CLVS1: variants seen among roughly 807,000 people sequenced by gnomAD.
The protein encoded by CLVS1 is clavesin-1.
Under a neutral mutation model 33.1 loss-of-function variants are expected in CLVS1, and 10 were observed. The observed-to-expected ratio is 0.30, with a 90% CI of 0.19 to 0.51. The LOEUF (loss-of-function observed/expected upper bound fraction) is 0.51. Among genes scored for constraint, CLVS1 ranks in the 20% least tolerant of loss-of-function variants. The pLI, the probability that CLVS1 is intolerant of heterozygous loss-of-function variation, is 0.97. For missense variants in CLVS1, 343 were observed against 433.4 expected (o/e 0.79, Z 1.85); for synonymous variants, 163 against 166.1 (o/e 0.98, Z 0.14).
intron 3 of CLVS1, among the ~76,000 whole-genome samples, chr8:61,386,319 G>A (rs547361769): frequency 7.5e-4 from 114 of 152,230 alleles, no homozygotes; most frequent in African/African-American, 2.6e-3. Context: ...GATAAACCCC[G>A]GACTTCATAA....
intron 2 of CLVS1, among the ~76,000 whole-genome samples, chr8:61,368,327 G>A (rs1813297376): frequency 6.6e-6 from 1 of 152,226 alleles, no homozygotes; most frequent in African/African-American, 2.4e-5. Context: ...TTGCACTCTA[G>A]TGTCTATATC....
At chr8:61,450,581 C>T (rs558406531) in intron 3 of CLVS1, among the ~76,000 whole-genome samples, 14 of 152,238 alleles carry the variant, frequency 9.2e-5, no homozygotes, top group East Asian at 3.9e-4. Flanking sequence ...GAATTGAAGA[C>T]GTGCAAGACG....
At chr8:61,294,660 G>A (rs1458392576) in intron 1 of CLVS1, among the ~76,000 whole-genome samples, 1 of 152,106 alleles carries the variant, frequency 6.6e-6, no homozygotes, top group Non-Finnish European at 1.5e-5. Flanking sequence ...AAAATGCTTT[G>A]AAATACTACG....
chr8:61,423,104 T>C (rs1815745097), intron 3 of CLVS1, among the ~76,000 whole-genome samples: 1 of 152,160 alleles, frequency 6.6e-6, no homozygotes, highest in Admixed American at 6.6e-5. Context: ...ATGAGCCCAA[T>C]GCACCTTGCA....
Position 61,166,035 on chromosome 8 carries a change from T to TTTTTTTG in CLVS1, c.-152+34181_-152+34182insGTTTTTT, listed in dbSNP as rs1806857566. Among the ~76,000 whole-genome samples, 6 of 102,082 alleles carry TTTTTTTG rather than the reference T, an allele frequency of 5.9e-5. 1 individual carries two copies. The highest frequency in any genetic ancestry group is 2.3e-4 in the Admixed American group (2 of 8,554). The allele number at this position is 102,082 out of a possible 152,430, so 67.0% of individuals were successfully genotyped here. Reference sequence around the variant, plus strand: ...TTTGTGGCTAAGCATCTAAGCGTTTTTTTTTTTTTTGCCTGCCTTTGGAAT... The same window carrying TTTTTTTG: ...TTTGTGGCTAAGCATCTAAGCGTTTTTTTTTTGTTTTTTTTTTGCCTGCCTTTGGAAT... On this transcript the variant is annotated intron_variant, in intron 2 of 2. Transcript: ENST00000522621.
chr8:61,262,866 G>A (rs1024741441), intron 2 of CLVS1, among the ~76,000 whole-genome samples: 10 of 152,152 alleles, frequency 6.6e-5, no homozygotes, highest in African/African-American at 1.4e-4. Context: ...AACAGCACTC[G>A]TTGCTCTAGG....
intron 2 of CLVS1, among the ~76,000 whole-genome samples, chr8:61,327,578 C>T (rs1484911565): frequency 6.6e-6 from 1 of 152,180 alleles, no homozygotes; most frequent in Non-Finnish European, 1.5e-5. Flanking sequence ...GTTCAAATTT[C>T]AACTATGACT....
intron 1 of CLVS1, among the ~76,000 whole-genome samples, chr8:61,100,755 C>T (rs547400135): frequency 6.6e-6 from 1 of 152,312 alleles, no homozygotes; most frequent in East Asian, 1.9e-4. Context: ...CCCTCTCCCA[C>T]AACCCTAGGG....
chr8:61,246,167 C>CTTTTTTTTTTTTTTTTTTTTTTTTTTTTT (rs1188366643), intron 2 of CLVS1, among the ~76,000 whole-genome samples: 1 of 82,210 alleles, frequency 1.2e-5, no homozygotes, highest in African/African-American at 4.6e-5. Context: ...TCCTTCCCAA[C>CTTTTTTTTTTTTTTTTTTTTTTTTTTTTT]TTTTTTTTTT....
At chr8:61,259,446 G>T (rs1214815629) in intron 2 of CLVS1, among the ~76,000 whole-genome samples, 1 of 152,188 alleles carries the variant, frequency 6.6e-6, no homozygotes, top group African/African-American at 2.4e-5. Context: ...TCCAGTCAAT[G>T]CTATTTAGGC....
intron 1 of CLVS1, among the ~76,000 whole-genome samples, chr8:61,076,904 T>G (rs1335654734): frequency 6.6e-6 from 1 of 152,212 alleles, no homozygotes; most frequent in East Asian, 1.9e-4. Flanking sequence ...TTTTCCTCCC[T>G]GCAAGTCCCC....
chr8:61,135,199 C>T (rs183225038), intron 2 of CLVS1, among the ~76,000 whole-genome samples: 2 of 151,932 alleles, frequency 1.3e-5, no homozygotes, highest in Admixed American at 1.3e-4. Flanking sequence ...GAGATCTGGG[C>T]TGAAAGGCAG....
the CLVS1 span, among the ~76,000 whole-genome samples, chr8:61,003,075 TAGAG>T: frequency 1.3e-5 from 2 of 152,120 alleles, no homozygotes; most frequent in East Asian, 1.9e-4. Flanking sequence ...GATAGGTAGA[TAGAG>T]AGAGCGGTTT....
At chr8:61,054,058 T>C (rs1356090111), upstream of CLVS1, among the ~76,000 whole-genome samples, 1 of 152,186 alleles carries the variant, frequency 6.6e-6, no homozygotes, top group African/African-American at 2.4e-5. Flanking sequence ...CCTAGCCAAT[T>C]GAAGGAGATT....
chr8:61,499,386 C>A, intron 5 of CLVS1, 69 bp from the exon 6 acceptor site: 1 of 1,123,338 alleles, frequency 8.9e-7, no homozygotes, highest in South Asian at 1.2e-5. Flanking sequence ...ATCCGGATGT[C>A]TTCAAAGGTT....
At chr8:61,251,303 G>C (rs1305988594) in intron 2 of CLVS1, among the ~76,000 whole-genome samples, 1 of 152,180 alleles carries the variant, frequency 6.6e-6, no homozygotes, top group East Asian at 1.9e-4. Context: ...TGTACCGCTG[G>C]ATTTGCTTTG....
chr8:61,063,687 C>T (rs140717081), intron 1 of CLVS1, among the ~76,000 whole-genome samples: 6 of 152,280 alleles, frequency 3.9e-5, no homozygotes, highest in South Asian at 2.1e-4. Flanking sequence ...AATTTAAAAA[C>T]GTTCTCAAGC....
chr8:61,309,195 G>A (rs1810743868), intron 2 of CLVS1, among the ~76,000 whole-genome samples: 1 of 152,240 alleles, frequency 6.6e-6, no homozygotes, highest in Admixed American at 6.5e-5. Flanking sequence ...CTCGATGTGA[G>A]TGGGAAGAAA....
intron 2 of CLVS1, among the ~76,000 whole-genome samples, chr8:61,327,298 T>C (rs1439535019): frequency 6.6e-6 from 1 of 152,224 alleles, no homozygotes; most frequent in Non-Finnish European, 1.5e-5. Context: ...TAAACACCTA[T>C]AGATATTGAC....
Sources: allele counts gnomAD v4.1 joint callset (sites outside exome capture counted in the v4.1 genomes callset), GRCh38; gene constraint gnomAD v4.1.1; transcripts MANE v1.5; gene names NCBI Gene and HGNC (gene_info 2026-07-23, HGNC 2026-07-21).